The following PPARGC1A variants were observed in gnomAD, a reference collection of about 807,000 sequenced individuals.
The protein encoded by PPARGC1A is PPARG coactivator 1 alpha, also known as peroxisome proliferator-activated receptor gamma coactivator 1-alpha.
PPARGC1A carries 25 observed loss-of-function variants against 88.7 expected under a neutral mutation model. The observed-to-expected ratio is 0.28, with a 90% CI of 0.21 to 0.39. PPARGC1A has a LOEUF of 0.39. Ranked by LOEUF, PPARGC1A falls within the 10% of genes least tolerant of loss-of-function variation. The pLI, the probability that PPARGC1A is intolerant of heterozygous loss-of-function variation, is 1.00. For synonymous variants in PPARGC1A, 363 were observed against 355.6 expected, an observed-to-expected ratio of 1.02 and a Z score of -0.24; for missense variants, 880 against 968.7, an observed-to-expected ratio of 0.91 and a Z score of 1.22.
the PPARGC1A span, among the ~76,000 whole-genome samples, chr4:24,346,771 T>C: frequency 6.6e-6 from 1 of 152,178 alleles, no homozygotes; most frequent in Non-Finnish European, 1.5e-5. Flanking sequence ...CAATTTCATT[T>C]AGTTCTTCTT....
chr4:24,329,466 C>A, the PPARGC1A span, among the ~76,000 whole-genome samples: 1 of 152,078 alleles, frequency 6.6e-6, no homozygotes, highest in African/African-American at 2.4e-5. Context: ...CCACAATGGC[C>A]ACCACTCTGG....
the PPARGC1A span, among the ~76,000 whole-genome samples, chr4:24,320,503 A>T: frequency 6.6e-6 from 1 of 152,236 alleles, no homozygotes; most frequent in African/African-American, 2.4e-5. Context: ...AAAGCAATGC[A>T]TTTAAAATGA....
chr4:24,392,138 C>T, the PPARGC1A span, among the ~76,000 whole-genome samples: 11 of 152,100 alleles, frequency 7.2e-5, no homozygotes, highest in Admixed American at 2.0e-4. Flanking sequence ...CCAGCTAAAA[C>T]CCAATGAAAA....
the PPARGC1A span, among the ~76,000 whole-genome samples, chr4:24,378,509 C>T: frequency 3.3e-4 from 50 of 152,192 alleles, 1 homozygote; most frequent in African/African-American, 1.2e-3. Context: ...CCTAACCACA[C>T]TGCCTTTGAC....
At chr4:24,008,074 A>T in the PPARGC1A span, among the ~76,000 whole-genome samples, 1 of 152,306 alleles carries the variant, frequency 6.6e-6, no homozygotes, top group African/African-American at 2.4e-5. Context: ...TGAACAAAGC[A>T]CGACAGAGAA....
At chr4:23,918,547 T>C in the PPARGC1A span, among the ~76,000 whole-genome samples, 13 of 152,154 alleles carry the variant, frequency 8.5e-5, no homozygotes, top group Non-Finnish European at 1.8e-4. Context: ...AAATCGATTA[T>C]ACATAAACAT....
At chr4:24,259,464 G>A in the PPARGC1A span, among the ~76,000 whole-genome samples, 3 of 152,158 alleles carry the variant, frequency 2.0e-5, no homozygotes, top group Admixed American at 6.5e-5. Context: ...ACATTCACAT[G>A]CCACAGAACG....
chr4:24,096,680 A>G, the PPARGC1A span, among the ~76,000 whole-genome samples: 1 of 152,230 alleles, frequency 6.6e-6, no homozygotes, highest in African/African-American at 2.4e-5. Flanking sequence ...GCCTGCAGTC[A>G]TGCAGTTTAG....
At chr4:24,332,763 G>A in the PPARGC1A span, among the ~76,000 whole-genome samples, 1 of 152,214 alleles carries the variant, frequency 6.6e-6, no homozygotes, top group Non-Finnish European at 1.5e-5. Context: ...GCCACAGGCT[G>A]AGGGAGTTAA....
chr4:24,409,524 G>A, the PPARGC1A span, among the ~76,000 whole-genome samples: 2 of 152,168 alleles, frequency 1.3e-5, no homozygotes, highest in Non-Finnish European at 2.9e-5. Context: ...AGATACTAGT[G>A]TTGCAAGCTG....
At chr4:24,061,709 C>T in the PPARGC1A span, among the ~76,000 whole-genome samples, 1 of 152,180 alleles carries the variant, frequency 6.6e-6, no homozygotes, top group Non-Finnish European at 1.5e-5. Flanking sequence ...CCTCTGTGGC[C>T]TTTCTCTTTG....
chr4:24,074,412 C>T, the PPARGC1A span, among the ~76,000 whole-genome samples: 1 of 152,102 alleles, frequency 6.6e-6, no homozygotes, highest in East Asian at 1.9e-4. Flanking sequence ...CCTAGGTTGC[C>T]TTTCTCCTGA....
At chr4:24,347,030 C>T in the PPARGC1A span, among the ~76,000 whole-genome samples, 7 of 152,204 alleles carry the variant, frequency 4.6e-5, no homozygotes, top group Admixed American at 1.3e-4. Context: ...CTTCAATGCT[C>T]AGTCCAGAGT....
At chr4:23,999,516 G>T in the PPARGC1A span, among the ~76,000 whole-genome samples, 65 of 152,176 alleles carry the variant, frequency 4.3e-4, 1 homozygote, top group East Asian at 1.5e-3. Flanking sequence ...TTGATTTTTT[G>T]TTGTTGTTGT....
chr4:24,373,232 A>G, the PPARGC1A span, among the ~76,000 whole-genome samples: 1 of 152,252 alleles, frequency 6.6e-6, no homozygotes, highest in Non-Finnish European at 1.5e-5. Flanking sequence ...GTCTGGCGAT[A>G]CTGGGGCAAA....
At chr4:24,174,961 CA>C in the PPARGC1A span, among the ~76,000 whole-genome samples, 14 of 152,136 alleles carry the variant, frequency 9.2e-5, no homozygotes, top group Admixed American at 8.5e-4. Context: ...AATGCTGTTG[CA>C]AAGTGTTTAT....
chr4:23,818,888 A>G (rs1722478926), intron 7 of PPARGC1A, among the ~76,000 whole-genome samples: 1 of 121,054 alleles, frequency 8.3e-6, no homozygotes, highest in Non-Finnish European at 1.6e-5. Context: ...AACATTTTGC[A>G]GAATGTACTG....
At chr4:24,009,584 C>T in the PPARGC1A span, among the ~76,000 whole-genome samples, 5 of 152,160 alleles carry the variant, frequency 3.3e-5, no homozygotes, top group Non-Finnish European at 5.9e-5. Flanking sequence ...TAACTACAAA[C>T]AATTATCTGT....
At chr4:24,087,708 G>C in the PPARGC1A span, among the ~76,000 whole-genome samples, 1 of 152,228 alleles carries the variant, frequency 6.6e-6, no homozygotes, top group African/African-American at 2.4e-5. Flanking sequence ...GTCCCTGAGT[G>C]CTCTCCCAGA....
Sources: gnomAD v4.1 joint callset for allele counts (sites outside exome capture counted in the v4.1 genomes callset) on GRCh38, gnomAD v4.1.1 for gene constraint, MANE v1.5 for transcripts, NCBI Gene and HGNC (gene_info 2026-07-23, HGNC 2026-07-21) for gene names.